LYPLAL1: variants seen among roughly 807,000 people sequenced by gnomAD.
LYPLAL1 encodes lysophospholipase like 1.
A neutral mutation model predicts 19.7 loss-of-function variants in LYPLAL1; 23 were observed. That is an observed-to-expected ratio of 1.17 (90% CI 0.84 to 1.65). LYPLAL1 has a LOEUF of 1.65. Ranked by LOEUF, LYPLAL1 falls within the 40% of genes most tolerant of loss-of-function variation. LYPLAL1 has a pLI of 0.00. For synonymous variants in LYPLAL1, 119 were observed against 96.3 expected (o/e 1.24, Z -1.38); for missense variants, 355 against 279.4 (o/e 1.27, Z -1.93).
chr1:219,422,641 A>G, the LYPLAL1 span, among the ~76,000 whole-genome samples: 1 of 152,220 alleles, frequency 6.6e-6, no homozygotes, highest in Non-Finnish European at 1.5e-5. Context: ...AAAATAATTA[A>G]TAATGGGAGA....
At chr1:219,221,673 C>T in the LYPLAL1 span, among the ~76,000 whole-genome samples, 1 of 152,214 alleles carries the variant, frequency 6.6e-6, no homozygotes, top group Non-Finnish European at 1.5e-5. Context: ...GTGGAGGCCA[C>T]CTTCCTTTGC....
At chr1:219,429,820 A>G in the LYPLAL1 span, among the ~76,000 whole-genome samples, 4 of 152,154 alleles carry the variant, frequency 2.6e-5, no homozygotes, top group African/African-American at 9.7e-5. Context: ...AACTGTAACA[A>G]ATTTAATGGG....
intron 2 of LYPLAL1, chr1:219,179,576 C>A: frequency 4.8e-6 from 1 of 207,334 alleles, no homozygotes; most frequent in East Asian, 1.3e-4. Context: ...CAAAAGGAAA[C>A]TTAATAACTC....
At chr1:219,192,603 G>A in intron 2 of LYPLAL1, among the ~76,000 whole-genome samples, 1 of 151,510 alleles carries the variant, frequency 6.6e-6, no homozygotes, top group East Asian at 1.9e-4. Context: ...ATCCCTCTCT[G>A]TGTTTGCCCA....
chr1:219,232,090 T>C, the LYPLAL1 span, among the ~76,000 whole-genome samples: 1 of 152,250 alleles, frequency 6.6e-6, no homozygotes, highest in Non-Finnish European at 1.5e-5. Context: ...TGTTTTCTCT[T>C]CAAATTCTAC....
chr1:219,210,736 A>G, intron 4 of LYPLAL1, 89 bp downstream of exon 4: 3 of 1,225,992 alleles, frequency 2.4e-6, no homozygotes, highest in Non-Finnish European at 3.4e-6. Context: ...GCTGTAAAAC[A>G]CACACACAGT....
the LYPLAL1 span, among the ~76,000 whole-genome samples, chr1:219,245,918 A>T: frequency 6.6e-6 from 1 of 152,176 alleles, no homozygotes; most frequent in Non-Finnish European, 1.5e-5. Context: ...CAACAGAGAG[A>T]CTAAGACTGC....
At chr1:219,378,729 A>C in the LYPLAL1 span, among the ~76,000 whole-genome samples, 2 of 152,186 alleles carry the variant, frequency 1.3e-5, no homozygotes, top group East Asian at 3.9e-4. Flanking sequence ...GTGCTTTAGC[A>C]TGAATATTTA....
the LYPLAL1 span, among the ~76,000 whole-genome samples, chr1:219,373,403 G>C: frequency 6.6e-6 from 1 of 152,132 alleles, no homozygotes; most frequent in African/African-American, 2.4e-5. Context: ...ACATGGAGGA[G>C]AAATCTAGCT....
the LYPLAL1 span, among the ~76,000 whole-genome samples, chr1:219,278,736 G>A: frequency 1.3e-5 from 2 of 151,910 alleles, no homozygotes; most frequent in Non-Finnish European, 2.9e-5. Context: ...AAAGAAGGGC[G>A]GACACCCTGC....
chr1:219,373,051 A>C, the LYPLAL1 span, among the ~76,000 whole-genome samples: 1 of 152,232 alleles, frequency 6.6e-6, no homozygotes, highest in African/African-American at 2.4e-5. Context: ...TGTGCCATGC[A>C]AATATTAGAC....
chr1:219,198,611 T>C (rs900838707), intron 3 of LYPLAL1: 4 of 152,188 alleles, frequency 2.6e-5, no homozygotes, highest in Admixed American at 1.3e-4. Context: ...TTTTTTCTTA[T>C]TCTTTACCTT....
At chr1:219,364,925 T>G in the LYPLAL1 span, among the ~76,000 whole-genome samples, 3 of 152,144 alleles carry the variant, frequency 2.0e-5, no homozygotes, top group African/African-American at 7.2e-5. Flanking sequence ...AGATTAAAAA[T>G]TTAGTTAAAC....
At chr1:219,294,850 G>T in the LYPLAL1 span, among the ~76,000 whole-genome samples, 1 of 152,212 alleles carries the variant, frequency 6.6e-6, no homozygotes, top group African/African-American at 2.4e-5. Context: ...CTGCAATGAA[G>T]TTGCCACAGA....
the LYPLAL1 span, among the ~76,000 whole-genome samples, chr1:219,398,358 G>A: frequency 6.6e-6 from 1 of 152,124 alleles, no homozygotes; most frequent in South Asian, 2.1e-4. Context: ...ACTAATACTT[G>A]TGATTGTATT....
At chr1:219,351,583 A>G in the LYPLAL1 span, among the ~76,000 whole-genome samples, 2 of 152,048 alleles carry the variant, frequency 1.3e-5, no homozygotes, top group African/African-American at 2.4e-5. Flanking sequence ...TCCCCAGCCT[A>G]TCCATTTCAT....
chr1:219,414,550 T>A, the LYPLAL1 span, among the ~76,000 whole-genome samples: 2 of 152,336 alleles, frequency 1.3e-5, no homozygotes, highest in African/African-American at 4.8e-5. Flanking sequence ...GATCAATAAG[T>A]CAGCTATTTT....
the LYPLAL1 span, among the ~76,000 whole-genome samples, chr1:219,289,078 G>GTTTTTTTTTTTTTTTTTTTTTT: frequency 1.7e-5 from 2 of 114,920 alleles, 1 homozygote; most frequent in Non-Finnish European, 3.6e-5. Context: ...CTCTTGTTTT[G>GTTTTTTTTTTTTTTTTTTTTTT]TTTTTTTTGT....
At chr1:219,375,720 G>A in the LYPLAL1 span, among the ~76,000 whole-genome samples, 3 of 150,014 alleles carry the variant, frequency 2.0e-5, no homozygotes, top group Non-Finnish European at 4.4e-5. Flanking sequence ...CCAAATTGGA[G>A]TTTTTATGCT....
Sources: allele counts gnomAD v4.1 joint callset (sites outside exome capture counted in the v4.1 genomes callset), GRCh38; gene constraint gnomAD v4.1.1; transcripts MANE v1.5; gene names NCBI Gene and HGNC (gene_info 2026-07-23, HGNC 2026-07-21).